The following MGAT4D variants were observed in gnomAD, a reference collection of about 807,000 sequenced individuals.
MGAT4D encodes the protein MGAT4 family member D, also known as alpha-1,3-mannosyl-glycoprotein 4-beta-N-acetylglucosaminyltransferase-like protein MGAT4D.
MGAT4D carries 34 observed loss-of-function variants against 15.9 expected under a neutral mutation model. The observed-to-expected ratio is 2.14, with a 90% CI of 1.62 to 2.84. MGAT4D has a LOEUF of 2.84. Among genes scored for constraint, MGAT4D ranks in the 30% most tolerant of loss-of-function variants. The pLI is 0.00. For synonymous variants in MGAT4D, 112 were observed against 48.2 expected (o/e 2.33, Z -5.49); for missense variants, 327 against 140.2 (o/e 2.33, Z -6.73).
chr4:140,470,129 T>G (rs1351479457), intron 5 of MGAT4D, among the ~76,000 whole-genome samples: 2 of 152,282 alleles, frequency 1.3e-5, no homozygotes, highest in African/African-American at 4.8e-5. Context: ...TTCCCGCTGC[T>G]GTGTGCTCTT....
At chr4:140,444,020 T>C (rs1729931925) in intron 10 of MGAT4D, among the ~76,000 whole-genome samples, 1 of 152,106 alleles carries the variant, frequency 6.6e-6, no homozygotes, top group Non-Finnish European at 1.5e-5. Flanking sequence ...ATCATGACAG[T>C]TTTTTGAGAA....
chr4:140,464,586 G>A (rs768352187), intron 6 of MGAT4D, among the ~76,000 whole-genome samples: 1 of 152,152 alleles, frequency 6.6e-6, no homozygotes, highest in Non-Finnish European at 1.5e-5. Flanking sequence ...GTCTGTAAAT[G>A]TGAACATAGA....
intron 9 of MGAT4D, among the ~76,000 whole-genome samples, chr4:140,453,095 C>T (rs914267727): frequency 1.3e-5 from 2 of 152,092 alleles, no homozygotes; most frequent in Non-Finnish European, 2.9e-5. Context: ...TATTCTGCTC[C>T]ATGGAACTTT....
rs1733977157 is a variant in MGAT4D, at chr4:140,498,289, C to T, written c.-67G>A. On this transcript the variant is annotated 5_prime_UTR_variant, in exon 1 of 11. Coordinates refer to ENST00000511113, the MANE Select transcript of MGAT4D (RefSeq NM_001277353.2). ...GGATAATGCCAGGGACGGGGTTGAG[C>T]GCGCAGAGCCCCCTCCCCGCGGTGC... The T allele has an allele frequency of 1.5e-6, 1 of 685,996 alleles. No homozygotes were observed. Among genetic ancestry groups the T allele is most frequent in the Non-Finnish European group, 2.7e-6 (1 of 376,232 alleles). 42.5% of individuals were successfully genotyped at this position (685,996 alleles called of 1,614,324 possible). A position where few individuals can be genotyped will look rare whatever the true frequency, so the allele number is the denominator to read the frequency against.
At chr4:140,452,224 A>G (rs1354733851) in intron 9 of MGAT4D, among the ~76,000 whole-genome samples, 7 of 152,018 alleles carry the variant, frequency 4.6e-5, no homozygotes, top group African/African-American at 1.4e-4. Context: ...CATTTGAAAT[A>G]ATGATGATCA....
chr4:140,458,608 C>T (rs1208129131), intron 8 of MGAT4D: 2 of 152,070 alleles, frequency 1.3e-5, no homozygotes, highest in African/African-American at 4.8e-5. Context: ...ATTTCAGTGA[C>T]CATCATTATG....
intron 3 of MGAT4D, among the ~76,000 whole-genome samples, chr4:140,478,228 C>T (rs1732467896): frequency 6.6e-6 from 1 of 152,124 alleles, no homozygotes; most frequent in African/African-American, 2.4e-5. Context: ...GTTATCTCAA[C>T]CCTCCAACCC....
intron 10 of MGAT4D, among the ~76,000 whole-genome samples, chr4:140,448,506 A>C (rs903512056): frequency 6.6e-6 from 1 of 152,158 alleles, no homozygotes; most frequent in Non-Finnish European, 1.5e-5. Flanking sequence ...AATACTTACA[A>C]GTTCATTAGG....
intron 1 of MGAT4D, among the ~76,000 whole-genome samples, chr4:140,484,734 G>A (rs1373324327): frequency 3.3e-5 from 5 of 152,122 alleles, no homozygotes; most frequent in Non-Finnish European, 7.4e-5. Context: ...ATCAAAAAGT[G>A]GGCAAAGGAT....
At chr4:140,484,133 G>C (rs1246240438) in intron 1 of MGAT4D, among the ~76,000 whole-genome samples, 1 of 152,042 alleles carries the variant, frequency 6.6e-6, no homozygotes, top group African/African-American at 2.4e-5. Flanking sequence ...TTTGTCCAGT[G>C]GGAGAAAATA....
rs10519557 is a variant in MGAT4D at position 140,467,360 on chromosome 4, G to A, written c.573-2351C>T. Among the ~76,000 whole-genome samples, 2,876 of 152,008 alleles carry A rather than the reference G, an allele frequency of 0.019. 135 individuals are homozygous for A. The East Asian group carries it at 0.21, about 11-fold the overall frequency. On this transcript the variant is annotated intron_variant, in intron 5 of 10. Transcript: ENST00000511113. ...AACTTTAAACTACAAGATCTTGTGC[G>A]GCAATTTAGTAGAGGTAAAGGGAAA...
intron 1 of MGAT4D, among the ~76,000 whole-genome samples, chr4:140,485,302 C>A (rs971891669): frequency 1.3e-4 from 19 of 150,890 alleles, no homozygotes; most frequent in Non-Finnish European, 2.5e-4. Flanking sequence ...ATCACAAGGA[C>A]AAAAAACCAA....
chr4:140,496,739 A>T (rs1326431057), intron 1 of MGAT4D, among the ~76,000 whole-genome samples: 1 of 152,122 alleles, frequency 6.6e-6, no homozygotes, highest in South Asian at 2.1e-4. Context: ...GCTACTCAGG[A>T]GACTGAGGCA....
At chr4:140,481,255 G>C (rs928449514) in intron 2 of MGAT4D, among the ~76,000 whole-genome samples, 2 of 152,146 alleles carry the variant, frequency 1.3e-5, no homozygotes, top group South Asian at 2.1e-4. Context: ...CAGTGAGCCA[G>C]ATTGCACCAT....
intron 1 of MGAT4D, among the ~76,000 whole-genome samples, chr4:140,488,787 C>T (rs919225083): frequency 6.6e-6 from 1 of 152,178 alleles, no homozygotes; most frequent in Non-Finnish European, 1.5e-5. Context: ...GATGATCCCT[C>T]ATGGCTTGGT....
At chr4:140,480,450 A>C (rs1174315202) in intron 2 of MGAT4D, among the ~76,000 whole-genome samples, 5 of 152,182 alleles carry the variant, frequency 3.3e-5, no homozygotes, top group African/African-American at 1.2e-4. Flanking sequence ...CAATATAACA[A>C]TACAAAAAAC....
chr4:140,456,490 C>A, intron 9 of MGAT4D, 99 bp downstream of exon 9: 1 of 424,068 alleles, frequency 2.4e-6, no homozygotes, highest in East Asian at 3.5e-5. Context: ...AAAATTGGTG[C>A]ATTTATCAGA....
intron 1 of MGAT4D, among the ~76,000 whole-genome samples, chr4:140,485,899 G>GT (rs1180585223): frequency 7.6e-6 from 1 of 130,862 alleles, no homozygotes; most frequent in Non-Finnish European, 1.6e-5. Flanking sequence ...TCACTTATCT[G>GT]TTTTTTCTGA....
chr4:140,468,190 CTCTT>C (rs1167789923), intron 5 of MGAT4D, among the ~76,000 whole-genome samples: 1 of 151,870 alleles, frequency 6.6e-6, no homozygotes, highest in African/African-American at 2.4e-5. Context: ...TTTATTCTAA[CTCTT>C]TATCCTGCAT....
Sources: gnomAD v4.1 joint callset for allele counts (sites outside exome capture counted in the v4.1 genomes callset) on GRCh38, gnomAD v4.1.1 for gene constraint, MANE v1.5 for transcripts, NCBI Gene and HGNC (gene_info 2026-07-23, HGNC 2026-07-21) for gene names.